Variants in SMCO2 observed in about 807,000 individuals in gnomAD.
The protein encoded by SMCO2 is single-pass membrane protein with coiled-coil domains 2, also known as single-pass membrane and coiled-coil domain-containing protein 2.
A neutral mutation model predicts 29.5 loss-of-function variants in SMCO2; 25 were observed. That is an observed-to-expected ratio of 0.85 (90% CI 0.62 to 1.18). The LOEUF (loss-of-function observed/expected upper bound fraction) is 1.18, where lower values mean the gene tolerates loss of function less well. Ranked by LOEUF, SMCO2 falls within the 50% of genes most tolerant of loss-of-function variation. The probability of loss-of-function intolerance (pLI) is 0.00; values close to 1 mark genes in which losing one functional copy is unlikely to be tolerated. For missense variants in SMCO2, 348 were observed against 344.5 expected (o/e 1.01, Z -0.08); for synonymous variants, 117 against 123.3 (o/e 0.95, Z 0.34).
At chr12:27,480,736 C>T (rs1198171189) in intron 4 of SMCO2, among the ~76,000 whole-genome samples, 1 of 152,030 alleles carries the variant, frequency 6.6e-6, no homozygotes, top group East Asian at 1.9e-4. Context: ...CTGCTCTCAC[C>T]ATGTGATACG....
chr12:27,448,758 G>A, the SMCO2 span, among the ~76,000 whole-genome samples: 1 of 152,192 alleles, frequency 6.6e-6, no homozygotes, highest in African/African-American at 2.4e-5. Context: ...CATTTGCATT[G>A]AGAAAGGTCT....
rs61734420 is a variant in SMCO2, at chr12:27,502,065, C to T, written c.826C>T (p.Arg276Trp). Residue 276 changes from arginine (R) to tryptophan (W), a missense_variant, in exon 8 of 8, where the codon CGG (arginine) becomes TGG (tryptophan). Coordinates refer to ENST00000298876, the Ensembl canonical transcript of SMCO2. The stretch of plus-strand genomic sequence containing the variant: ...TGGGTGCCGCACCACATGGGACCTA[C>T]GGGAGATGAGAGAGCCTTTCTTGAA... The T allele has an allele frequency of 1.4e-3, 2,216 of 1,546,764 alleles. 195 individuals are homozygous for T. In the African/African-American group the frequency reaches 0.026, roughly 18 times the overall value.
chr12:27,489,603 G>A (rs981889877), intron 5 of SMCO2, among the ~76,000 whole-genome samples: 5 of 152,178 alleles, frequency 3.3e-5, no homozygotes, highest in African/African-American at 1.2e-4. Context: ...TTTATTAAAG[G>A]AAGGTGTCAT....
the SMCO2 span, among the ~76,000 whole-genome samples, chr12:27,437,486 C>G: frequency 1.3e-5 from 2 of 151,712 alleles, no homozygotes; most frequent in Admixed American, 6.6e-5. Context: ...TTGATTTTGC[C>G]CACACCTACT....
chr12:27,447,593 T>TA, the SMCO2 span, among the ~76,000 whole-genome samples: 9 of 151,758 alleles, frequency 5.9e-5, no homozygotes, highest in Non-Finnish European at 7.4e-5. Context: ...CTTGTCTCTA[T>TA]AAAAAATACA....
intron 7 of SMCO2, among the ~76,000 whole-genome samples, chr12:27,496,242 AAAC>A (rs1283079759): frequency 6.7e-6 from 1 of 150,258 alleles, no homozygotes; most frequent in Non-Finnish European, 1.5e-5. Context: ...AAACTCTTCC[AAAC>A]AACATTAAGT....
the SMCO2 span, among the ~76,000 whole-genome samples, chr12:27,437,293 TG>T: frequency 6.6e-6 from 1 of 151,998 alleles, no homozygotes; most frequent in South Asian, 2.1e-4. Context: ...CAAAACATAG[TG>T]GGCATCCATT....
chr12:27,430,250 C>G, the SMCO2 span, among the ~76,000 whole-genome samples: 1 of 152,148 alleles, frequency 6.6e-6, no homozygotes, highest in East Asian at 1.9e-4. Context: ...TCACCAGTAC[C>G]AAGCTGTTTA....
intron 4 of SMCO2, among the ~76,000 whole-genome samples, chr12:27,484,880 A>G (rs866717446): frequency 0.015 from 1,794 of 116,574 alleles, 20 homozygotes; most frequent in South Asian, 0.044. Context: ...AAATATATAT[A>G]TATATATATA....
intron 4 of SMCO2, among the ~76,000 whole-genome samples, chr12:27,476,186 T>A (rs1949584718): frequency 6.6e-6 from 1 of 152,218 alleles, no homozygotes; most frequent in African/African-American, 2.4e-5. Flanking sequence ...CCTCTTGGTA[T>A]TGATTTCTAG....
At chr12:27,464,716 C>CAAA (rs767874837), upstream of SMCO2, among the ~76,000 whole-genome samples, 725 of 46,082 alleles carry the variant, frequency 0.016, 31 homozygotes, top group African/African-American at 0.061. Context: ...GACCCTGTCT[C>CAAA]AAAAAAAAAA....
intron 4 of SMCO2, among the ~76,000 whole-genome samples, chr12:27,482,044 C>T (rs1002680409): frequency 6.6e-6 from 1 of 150,764 alleles, no homozygotes. Context: ...CTTCTGCTGA[C>T]TTTAGGCTTA....
At chr12:27,474,366 G>A (rs1949566175) in intron 3 of SMCO2, among the ~76,000 whole-genome samples, 1 of 152,026 alleles carries the variant, frequency 6.6e-6, no homozygotes, top group Non-Finnish European at 1.5e-5. Context: ...TTTTAAACCA[G>A]CATCCCAAAA....
At chr12:27,473,415 A>G (rs981257026) in intron 3 of SMCO2, among the ~76,000 whole-genome samples, 4 of 151,950 alleles carry the variant, frequency 2.6e-5, no homozygotes, top group African/African-American at 9.7e-5. Flanking sequence ...TCTCATTAGG[A>G]TGTTTGTCAT....
chr12:27,455,505 G>A, the SMCO2 span, among the ~76,000 whole-genome samples: 1 of 152,156 alleles, frequency 6.6e-6, no homozygotes, highest in Non-Finnish European at 1.5e-5. Context: ...AGTTTACCAA[G>A]CTTATTATCT....
At chr12:27,471,027 T>C (rs561292253) in intron 2 of SMCO2, among the ~76,000 whole-genome samples, 222 of 152,312 alleles carry the variant, frequency 1.5e-3, no homozygotes, top group African/African-American at 4.9e-3. Flanking sequence ...TGTGGATTGT[T>C]TTATGGCTTC....
chr12:27,474,856 A>T (rs1302691617), exon 4 of SMCO2: 1 of 1,551,460 alleles, frequency 6.4e-7, no homozygotes, highest in Non-Finnish European at 8.7e-7. Context: ...ACAGATGTTG[A>T]TGAGGACCCT....
chr12:27,494,780 G>C (rs1301841188), intron 6 of SMCO2, among the ~76,000 whole-genome samples: 1 of 151,938 alleles, frequency 6.6e-6, no homozygotes, highest in Non-Finnish European at 1.5e-5. Flanking sequence ...TCCTGTGTTA[G>C]TTTGTTGAGA....
chr12:27,438,846 A>G, the SMCO2 span, among the ~76,000 whole-genome samples: 1 of 149,726 alleles, frequency 6.7e-6, no homozygotes, highest in African/African-American at 2.5e-5. Context: ...ACCAGAGCTC[A>G]AGTATGAGGA....
Sources: gnomAD v4.1 joint callset for allele counts (sites outside exome capture counted in the v4.1 genomes callset) on GRCh38, gnomAD v4.1.1 for gene constraint, MANE v1.5 for transcripts, NCBI Gene and HGNC (gene_info 2026-07-23, HGNC 2026-07-21) for gene names.